The following ELF1 variants were observed in gnomAD, a reference collection of about 807,000 sequenced individuals.
The protein encoded by ELF1 is E74 like ETS transcription factor 1, also known as ETS-related transcription factor Elf-1.
A neutral mutation model predicts 59.9 loss-of-function variants in ELF1; 24 were observed. The observed-to-expected ratio is 0.40, with a 90% confidence interval of 0.29 to 0.56. The LOEUF is 0.56. ELF1 is among the 20% of genes least tolerant of loss of function. ELF1 has a pLI of 0.44. For synonymous variants in ELF1, 248 were observed against 266.2 expected (o/e 0.93, Z 0.67); for missense variants, 627 against 742.2 (o/e 0.84, Z 1.80).
At chr13:40,954,622 AT>A (rs1002722228) in intron 3 of ELF1, among the ~76,000 whole-genome samples, 3 of 151,946 alleles carry the variant, frequency 2.0e-5, no homozygotes, top group Non-Finnish European at 4.4e-5. Context: ...TGGTTTTCGT[AT>A]TTTTTTGGTG....
chr13:41,052,432 A>C (rs942020143), intron 1 of ELF1, among the ~76,000 whole-genome samples: 1 of 152,224 alleles, frequency 6.6e-6, no homozygotes, highest in African/African-American at 2.4e-5. Flanking sequence ...TGTCATTTAC[A>C]ATTTTAAAAA....
chr13:41,019,249 C>T lies in ELF1; in HGVS notation c.-250G>A. The T allele has an allele frequency of 5.1e-6, 5 of 985,394 alleles. No individual in the cohort carries two copies. Among genetic ancestry groups the T allele is most frequent in the East Asian group, 1.1e-4 (1 of 8,814 alleles). The allele number at this position is 985,394 out of a possible 1,614,324, so 61.0% of individuals were successfully genotyped here. ...TTACCTTCAAGTATTCTTTCTCTATCGTCTTTTGAGCTTGAAAATAAAAAG... is the reference window on the plus strand; with the variant it reads ...TTACCTTCAAGTATTCTTTCTCTATTGTCTTTTGAGCTTGAAAATAAAAAG... On this transcript the variant is annotated 5_prime_UTR_variant, in exon 1 of 9. Transcript: ENST00000239882.
intron 2 of ELF1, among the ~76,000 whole-genome samples, chr13:40,964,833 C>A (rs1295943857): frequency 6.6e-6 from 1 of 152,160 alleles, no homozygotes; most frequent in Non-Finnish European, 1.5e-5. Context: ...CCGCACCCAG[C>A]CCAAATTTCC....
At chr13:41,011,600 T>C (rs569956996) in intron 1 of ELF1, among the ~76,000 whole-genome samples, 3 of 151,670 alleles carry the variant, frequency 2.0e-5, no homozygotes, top group Non-Finnish European at 2.9e-5. Flanking sequence ...CTCACCATCA[T>C]GCCTGGCTTA....
At chr13:40,958,482 C>T (rs1315618725) in intron 3 of ELF1, among the ~76,000 whole-genome samples, 1 of 151,782 alleles carries the variant, frequency 6.6e-6, no homozygotes, top group Non-Finnish European at 1.5e-5. Flanking sequence ...TCACTTGAGC[C>T]CAGGAGTCCA....
intron 1 of ELF1, among the ~76,000 whole-genome samples, chr13:41,034,660 C>T (rs751980259): frequency 1.1e-4 from 17 of 151,906 alleles, no homozygotes; most frequent in African/African-American, 2.9e-4. Context: ...ATATATTATA[C>T]GACTTATTAG....
chr13:40,975,831 G>A lies in ELF1; in HGVS notation c.72+6152C>T, dbSNP rs528812334. Among the ~76,000 whole-genome samples the A allele has an allele frequency of 5.9e-5, 9 of 152,112 alleles. No individual in the cohort carries two copies. The South Asian group carries it at 1.9e-3, about 32-fold the overall frequency. ...TAAGTTTTACCTATTTTATAGAAGA[G>A]ATCACTTATTCAACAGATTTTAAAA... On this transcript the variant is annotated intron_variant, in intron 2 of 8. Transcript: ENST00000239882.
intron 1 of ELF1, among the ~76,000 whole-genome samples, chr13:41,009,227 G>C (rs1874917377): frequency 6.6e-6 from 1 of 151,268 alleles, no homozygotes; most frequent in South Asian, 2.1e-4. Flanking sequence ...ATGAACCAAA[G>C]CTCTTTGGGA....
intron 1 of ELF1, among the ~76,000 whole-genome samples, chr13:40,990,234 T>C (rs1277831729): frequency 3.3e-5 from 5 of 152,180 alleles, no homozygotes; most frequent in Admixed American, 6.5e-5. Context: ...GAGGGCAATA[T>C]AGAAATGCAC....
chr13:40,957,532 G>A (rs1178239318), intron 3 of ELF1, among the ~76,000 whole-genome samples: 12 of 150,058 alleles, frequency 8.0e-5, no homozygotes, highest in East Asian at 2.0e-4. Flanking sequence ...AGAAAAAAAA[G>A]AAAGTGTGTA....
chr13:41,017,846 A>G (rs1875501341), intron 1 of ELF1, among the ~76,000 whole-genome samples: 1 of 152,216 alleles, frequency 6.6e-6, no homozygotes, highest in Non-Finnish European at 1.5e-5. Flanking sequence ...AGACCAGACT[A>G]GAAGTAAATA....
intron 3 of ELF1, among the ~76,000 whole-genome samples, chr13:40,956,014 C>T (rs1349745842): frequency 3.4e-5 from 5 of 146,382 alleles, no homozygotes; most frequent in African/African-American, 1.2e-4. Context: ...TCTGCCTGGC[C>T]GCCCCTACTG....
chr13:41,056,517 T>A (rs1390913617), intron 1 of ELF1, among the ~76,000 whole-genome samples: 1 of 152,244 alleles, frequency 6.6e-6, no homozygotes, highest in Non-Finnish European at 1.5e-5. Context: ...CTGGATCATA[T>A]GGTAACTGTT....
intron 1 of ELF1, among the ~76,000 whole-genome samples, chr13:41,042,465 G>C (rs112840555): frequency 1.3e-5 from 2 of 151,134 alleles, no homozygotes; most frequent in African/African-American, 2.4e-5. Flanking sequence ...CCACTCCCCC[G>C]ACCCCACAAT....
At chr13:40,982,387 C>T (rs1041610378) in intron 1 of ELF1, 105 bp from the exon 2 acceptor site, 12 of 749,476 alleles carry the variant, frequency 1.6e-5, no homozygotes, top group African/African-American at 3.7e-5. Flanking sequence ...TTATTATTAA[C>T]GTTTTTAAAT....
chr13:40,957,528 A>T lies in ELF1; in HGVS notation c.253+1308T>A, dbSNP rs974601996. Among the ~76,000 whole-genome samples, 231 of 151,674 alleles carry T rather than the reference A, an allele frequency of 1.5e-3. 2 individuals are homozygous for T. The highest frequency in any genetic ancestry group is 1.3e-3 in the Non-Finnish European group (88 of 67,916). On this transcript the variant is annotated intron_variant, in intron 3 of 8. Coordinates refer to ENST00000239882, the MANE Select transcript of ELF1 (RefSeq NM_172373.4). ...GCATTTAAAAAAAAAAAAAAGAAAA[A>T]AAAGAAAGTGTGTAGCACCCCCTAC...
intron 1 of ELF1, among the ~76,000 whole-genome samples, chr13:41,015,722 C>T (rs980219651): frequency 2.0e-5 from 3 of 152,058 alleles, no homozygotes. Context: ...CATAGTATTA[C>T]CTACAACATG....
At position 40,982,429 on chromosome 13, in the gene ELF1, T is replaced by C. The variant is rs533394430; in HGVS notation, c.-228-147A>G. 3.0e-4 allele frequency: 116 copies of C among 387,978 alleles called. No individual in the cohort carries two copies. The Middle Eastern group carries it at 8.4e-3, about 28-fold the overall frequency. 24.0% of individuals were successfully genotyped at this position (387,978 alleles called of 1,614,324 possible). A position where few individuals can be genotyped will look rare whatever the true frequency, so the allele number is the denominator to read the frequency against. On this transcript the variant is annotated intron_variant, in intron 1 of 8. Transcript: ENST00000239882. The stretch of plus-strand genomic sequence containing the variant: ...GACACGACTAATGCACATACGCTCT[T>C]TTTTAAAAGTTACATATTTTATTTG...
chr13:41,019,204 A>T (rs935158698), intron 1 of ELF1, 24 bp downstream of exon 1: 1 of 985,448 alleles, frequency 1.0e-6, no homozygotes, highest in Non-Finnish European at 1.2e-6. Flanking sequence ...CCAGAAGCAA[A>T]CATACAAAAT....
Sources: allele counts gnomAD v4.1 joint callset (sites outside exome capture counted in the v4.1 genomes callset), GRCh38; gene constraint gnomAD v4.1.1; transcripts MANE v1.5; gene names NCBI Gene and HGNC (gene_info 2026-07-23, HGNC 2026-07-21).